Variants in MYO1A observed in about 807,000 individuals in gnomAD.
The protein encoded by MYO1A is myosin IA.
A neutral mutation model predicts 138.5 loss-of-function variants in MYO1A; 127 were observed. The observed-to-expected ratio is 0.92, with a 90% CI of 0.79 to 1.06. The LOEUF is 1.06. Among genes scored for constraint, MYO1A ranks in the 50% least tolerant of loss-of-function variants. The pLI is 0.00. For synonymous variants in MYO1A, 477 were observed against 497.5 expected (o/e 0.96, Z 0.55); for missense variants, 1,211 against 1,288.8 (o/e 0.94, Z 0.92).
chr12:57,033,055 C>A (rs1160143118), intron 22 of MYO1A, among the ~76,000 whole-genome samples: 1 of 152,072 alleles, frequency 6.6e-6, no homozygotes, highest in African/African-American at 2.4e-5. Context: ...ATCCTTGCTA[C>A]CCTACCATCC....
chr12:57,037,298 C>T (rs1333332370), intron 19 of MYO1A, among the ~76,000 whole-genome samples: 1 of 152,208 alleles, frequency 6.6e-6, no homozygotes, highest in Non-Finnish European at 1.5e-5. Context: ...GTTGATCACC[C>T]CAACCCTCAA....
rs781113031 is a variant in MYO1A at position 57,041,206 on chromosome 12, T to A, written c.1247A>T (p.Glu416Val). The part of the protein sequence containing the change: ...QVFIEMTLKE[E>V]QEEYKREGIP... ...TACTTCTCTCTTATATTCCTCTTGC[T>A]CTTCTTTCAGGGTCATCTCTATGAA... Residue 416 changes from glutamate (E) to valine (V), a missense_variant, in exon 14 of 28, where the codon GAG becomes GTG. Glu to Val is a moderately radical substitution (Grantham distance 121). Transcript: ENST00000300119. 2 of 1,613,478 alleles carry A rather than the reference T, an allele frequency of 1.2e-6. No homozygotes were observed. The highest frequency in any genetic ancestry group is 1.7e-6 in the Non-Finnish European group (2 of 1,179,928).
chr12:57,047,701 G>A lies in MYO1A; in HGVS notation c.251C>T (p.Ala84Val), dbSNP rs1034707308. ...KPHIYALANV[A>V]YQSLRDRDRD... ...GTCCCTGTCCCTCAGTGACTGGTAC[G>A]CCACATTTGCCAATGCGTAGCTTGT... is the stretch of plus-strand genomic sequence containing the variant. The change falls in exon 4 of 28, where the codon GCG becomes GTG. Residue 84 changes from alanine (A) to valine (V), a missense_variant. Ala to Val is a moderately conservative substitution (Grantham distance 64, BLOSUM62 0). Coordinates refer to ENST00000300119, the MANE Select transcript of MYO1A (RefSeq NM_005379.4). 1.5e-5 allele frequency: 25 copies of A among 1,614,064 alleles called. No homozygotes were observed. The highest frequency in any genetic ancestry group is 5.0e-5 in the Admixed American group (3 of 60,004).
At chr12:57,036,452 C>A in intron 21 of MYO1A, 71 bp from the exon 22 acceptor site, 1 of 1,461,236 alleles carries the variant, frequency 6.8e-7, no homozygotes, top group Admixed American at 1.7e-5. Context: ...TACTATTTTT[C>A]AACCACGCAA....
In MYO1A at chr12:57,037,914, C is replaced by CCGGGCCAGGAAG; in HGVS notation, c.1915_1916insCTTCCTGGCCCG (p.Arg639delinsProSerTrpProGly). 1 of 1,614,150 alleles carries CCGGGCCAGGAAG rather than the reference C, an allele frequency of 6.2e-7. No individual in the cohort carries two copies. ...AGGCCAGGTGCTCCGGCTCAGCAAT[C>CCGGGCCAGGAAG]GGTACCTTTCCAGGAAGGGCCCATA... is the stretch of plus-strand genomic sequence containing the variant. On this transcript the variant is annotated protein_altering_variant, in exon 18 of 28. Transcript: ENST00000300119.
Position 57,047,619 on chromosome 12 carries a change from G to A in MYO1A, c.325+8C>T. 1 of 1,614,044 alleles carries A rather than the reference G, an allele frequency of 6.2e-7. No individual in the cohort carries two copies. The highest frequency in any genetic ancestry group is 2.2e-5 in the East Asian group (1 of 44,882). ...GACTCCATGTGTTCCCCCAGCCAGG[G>A]GCCTCACCAGTCTTCCCTGATCCAC... On this transcript the variant is annotated splice_region_variant and intron_variant, in intron 4 of 27. Coordinates refer to ENST00000300119, the MANE Select transcript of MYO1A (RefSeq NM_005379.4).
intron 8 of MYO1A, 151 bp downstream of exon 8, chr12:57,046,401 G>A: frequency 1.4e-6 from 1 of 708,698 alleles, no homozygotes; most frequent in Non-Finnish European, 2.6e-6. Context: ...GGGTGAGGCT[G>A]AGAATGGGAA....
At chr12:57,044,053 T>C in intron 9 of MYO1A, 50 bp from the exon 10 acceptor site, 1 of 1,614,096 alleles carries the variant, frequency 6.2e-7, no homozygotes, top group Non-Finnish European at 8.5e-7. Flanking sequence ...GCCAGTCCAA[T>C]GCGAATAGAG....
At chr12:57,033,886 G>GA (rs2030408537) in intron 22 of MYO1A, among the ~76,000 whole-genome samples, 1 of 152,244 alleles carries the variant, frequency 6.6e-6, no homozygotes, top group African/African-American at 2.4e-5. Flanking sequence ...TTCCACTGCA[G>GA]GTCTAGTGGG....
In MYO1A at chr12:57,047,416, G is replaced by A. The variant is rs995731995; in HGVS notation, c.326-9C>T. 4.3e-6 allele frequency: 7 copies of A among 1,613,298 alleles called. No individual in the cohort carries two copies. Among genetic ancestry groups the A allele is most frequent in the African/African-American group, 4.0e-5 (3 of 74,910 alleles). ...CACCAGCTTGCTGGCCTCTGTGCAG[G>A]CAAAACGCTCTCATGGGTCCCCACC... is the stretch of plus-strand genomic sequence containing the variant. On this transcript the variant is annotated splice_polypyrimidine_tract_variant and intron_variant, in intron 4 of 27. Transcript: ENST00000300119.
Position 57,029,827 on chromosome 12 carries a change from G to C in MYO1A, c.2637C>G (p.Asn879Lys). 7 of 1,614,152 alleles carry C rather than the reference G, an allele frequency of 4.3e-6. No individual in the cohort carries two copies. Among genetic ancestry groups the C allele is most frequent in the Non-Finnish European group, 5.9e-6 (7 of 1,180,036 alleles). The change falls in exon 25 of 28, where the codon AAC (asparagine) becomes AAG (lysine). Residue 879 changes from asparagine (N) to lysine (K), a missense_variant. Physicochemically the swap from Asn to Lys is moderately conservative, Grantham distance 94 (BLOSUM62 0). Coordinates refer to ENST00000300119, the MANE Select transcript of MYO1A (RefSeq NM_005379.4). The part of the protein sequence containing the change: ...FCGDYIGLQG[N>K]PKLQKLKGGE... ...CGCCTTTCAGCTTCTGCAGCTTGGG[G>C]TTCCCTTGCAGCCCAATGTAGTCAC...
chr12:57,037,912 A>G lies in MYO1A; in HGVS notation c.1918T>C (p.Leu640=). The change falls in exon 18 of 28, where the codon TTG becomes CTG. Residue 640 remains leucine, a synonymous_variant. Transcript: ENST00000300119. ...GYGPFLERYR[L]LSRSTWPHWN... ...TGAGGCCAGGTGCTCCGGCTCAGCA[A>G]TCGGTACCTTTCCAGGAAGGGCCCA... 1 of 1,614,086 alleles carries G rather than the reference A, an allele frequency of 6.2e-7. No homozygotes were observed. Among genetic ancestry groups the G allele is most frequent in the Non-Finnish European group, 8.5e-7 (1 of 1,180,016 alleles).
intron 23 of MYO1A, 60 bp downstream of exon 23, chr12:57,030,980 A>G (rs993527920): frequency 6.3e-7 from 1 of 1,598,736 alleles, no homozygotes; most frequent in African/African-American, 1.3e-5. Context: ...CAAAAGAGGA[A>G]AATCAGGGGG....
At chr12:57,047,961 T>A in intron 3 of MYO1A, 28 bp downstream of exon 3, 1 of 1,601,252 alleles carries the variant, frequency 6.2e-7, no homozygotes, top group Non-Finnish European at 8.6e-7. Flanking sequence ...TGGGGCCCTG[T>A]CAGCCTTCCC....
intron 4 of MYO1A, 67 bp downstream of exon 4, chr12:57,047,560 G>T: frequency 6.4e-7 from 1 of 1,565,330 alleles, no homozygotes; most frequent in Non-Finnish European, 8.8e-7. Context: ...TCTAGGTCTG[G>T]CTTGCAAAGA....
intron 8 of MYO1A, among the ~76,000 whole-genome samples, chr12:57,044,980 T>C (rs866900468): frequency 4.5e-4 from 69 of 152,250 alleles, no homozygotes; most frequent in African/African-American, 1.5e-3. Context: ...AAGTGGCAGG[T>C]AGCATGTTCC....
chr12:57,048,722 G>A (rs1202599215), intron 1 of MYO1A, among the ~76,000 whole-genome samples: 1 of 152,140 alleles, frequency 6.6e-6, no homozygotes, highest in Non-Finnish European at 1.5e-5. Flanking sequence ...GCTGCCGCCA[G>A]GTACAGAAAG....
Position 57,038,397 on chromosome 12 carries a change from A to C in MYO1A, c.1760+15T>G. ...TCACATATGTAGCATGTTCCCCTGC[A>C]TGCCAGCATGTCACCTGATGTAGTT... On this transcript the variant is annotated intron_variant, in intron 17 of 27. Transcript: ENST00000300119. 6.2e-7 allele frequency: 1 copy of C among 1,613,362 alleles called. No individual in the cohort carries two copies. The highest frequency in any genetic ancestry group is 8.5e-7 in the Non-Finnish European group (1 of 1,179,302).
chr12:57,036,998 A>G lies in MYO1A; in HGVS notation c.2149T>C (p.Tyr717His), dbSNP rs754897671. 10 of 1,614,070 alleles carry G rather than the reference A, an allele frequency of 6.2e-6. No homozygotes were observed. In the East Asian group the frequency reaches 2.2e-4, roughly 36 times the overall value. The part of the protein sequence containing the change: ...IYRGWRCRTH[Y>H]QLMRKSQILI... ...ATCTGACTCTTTCGCATCAGTTGGT[A>G]GTGGGTGCGGCAGCGCCAGCCTCGG... The change falls in exon 20 of 28, where the codon TAC becomes CAC. Residue 717 changes from tyrosine (Y) to histidine (H), a missense_variant. By Grantham distance (83) the Tyr-to-His change is moderately conservative (BLOSUM62 2). Coordinates refer to ENST00000300119, the MANE Select transcript of MYO1A (RefSeq NM_005379.4).
Sources: allele counts gnomAD v4.1 joint callset (sites outside exome capture counted in the v4.1 genomes callset), GRCh38; gene constraint gnomAD v4.1.1; transcripts MANE v1.5; gene names NCBI Gene and HGNC (gene_info 2026-07-23, HGNC 2026-07-21).